Variants in MITF observed in about 807,000 individuals in gnomAD.
MITF encodes the protein microphthalmia-associated transcription factor.
Under a neutral mutation model 60.5 loss-of-function variants are expected in MITF, and 17 were observed. The observed-to-expected ratio is 0.28, with a 90% CI of 0.19 to 0.42. The LOEUF (loss-of-function observed/expected upper bound fraction) is 0.42, where lower values mean the gene tolerates loss of function less well. Ranked by LOEUF, MITF falls within the 10% of genes least tolerant of loss-of-function variation. The pLI, the probability that MITF is intolerant of heterozygous loss-of-function variation, is 1.00. For synonymous variants in MITF, 260 were observed against 248.5 expected (o/e 1.05, Z -0.43); for missense variants, 622 against 683.5 (o/e 0.91, Z 1.00).
At chr3:69,847,033 G>A (rs1487748202) in intron 1 of MITF, among the ~76,000 whole-genome samples, 3 of 152,036 alleles carry the variant, frequency 2.0e-5, no homozygotes, top group Admixed American at 6.5e-5. Flanking sequence ...AAGGGACCTG[G>A]GATTCTTTGA....
chr3:69,796,858 T>G (rs1427419384), intron 1 of MITF, among the ~76,000 whole-genome samples: 1 of 152,158 alleles, frequency 6.6e-6, no homozygotes, highest in African/African-American at 2.4e-5. Context: ...GACAACAAAC[T>G]AAACATTTCA....
chr3:69,772,649 G>A (rs937495659), intron 1 of MITF, among the ~76,000 whole-genome samples: 19 of 152,102 alleles, frequency 1.2e-4, no homozygotes, highest in African/African-American at 3.4e-4. Context: ...ACTTCCATGC[G>A]GAGTATCAGT....
chr3:69,930,348 A>C (rs539831501), intron 2 of MITF, among the ~76,000 whole-genome samples: 1 of 152,220 alleles, frequency 6.6e-6, no homozygotes, highest in East Asian at 1.9e-4. Flanking sequence ...GAAATGAAGA[A>C]CGTGAGAGAA....
At chr3:69,903,923 C>G (rs1310098091) in intron 2 of MITF, among the ~76,000 whole-genome samples, 1 of 151,954 alleles carries the variant, frequency 6.6e-6, no homozygotes, top group African/African-American at 2.4e-5. Flanking sequence ...TTCCCGTTGG[C>G]AAAAAGGCAA....
Position 69,949,925 on chromosome 3 carries a change from G to A in MITF, c.880+757G>A, listed in dbSNP as rs555231640. Among the ~76,000 whole-genome samples the A allele has an allele frequency of 4.4e-4, 67 of 152,150 alleles. No homozygotes were observed. In the South Asian group the frequency reaches 5.2e-3, roughly 12 times the overall value. On this transcript the variant is annotated intron_variant, in intron 6 of 9. Transcript: ENST00000352241. ...GATTGGATGAACAGACTGAGAATAT[G>A]GAATATGGATTTGGTACAGAGAATT...
chr3:69,740,280 G>C (rs562608726), intron 1 of MITF, among the ~76,000 whole-genome samples: 1 of 151,906 alleles, frequency 6.6e-6, no homozygotes, highest in Non-Finnish European at 1.5e-5. Context: ...CCTCCAGACC[G>C]CTGCTAGCGG....
At chr3:69,852,259 T>A (rs183933514) in intron 1 of MITF, among the ~76,000 whole-genome samples, 31 of 152,264 alleles carry the variant, frequency 2.0e-4, no homozygotes, top group Admixed American at 1.9e-3. Context: ...CCTGAGGAAT[T>A]TTCACCAGAT....
intron 2 of MITF, among the ~76,000 whole-genome samples, chr3:69,911,527 T>C (rs143514662): frequency 2.0e-4 from 31 of 152,186 alleles, no homozygotes; most frequent in African/African-American, 7.0e-4. Flanking sequence ...ACAAAGTTGA[T>C]AAAAAGTAAT....
At chr3:69,926,764 A>G (rs1250955967) in intron 2 of MITF, among the ~76,000 whole-genome samples, 1 of 152,216 alleles carries the variant, frequency 6.6e-6, no homozygotes, top group Non-Finnish European at 1.5e-5. Context: ...TGTGTCAAAT[A>G]TTATACAAAT....
At chr3:69,891,532 A>T (rs2064759456) in intron 2 of MITF, among the ~76,000 whole-genome samples, 1 of 152,210 alleles carries the variant, frequency 6.6e-6, no homozygotes, top group Non-Finnish European at 1.5e-5. Flanking sequence ...CTGTGGGTGG[A>T]GCTCATTAAT....
chr3:69,914,613 A>G (rs1409234890), intron 2 of MITF, among the ~76,000 whole-genome samples: 2 of 152,098 alleles, frequency 1.3e-5, no homozygotes, highest in African/African-American at 2.4e-5. Context: ...AGTGACACCT[A>G]CCTGTCCCCC....
intron 1 of MITF, among the ~76,000 whole-genome samples, chr3:69,806,782 A>AAAAT (rs1467551400): frequency 6.6e-6 from 1 of 152,224 alleles, no homozygotes; most frequent in African/African-American, 2.4e-5. Flanking sequence ...TGAGGCTTTT[A>AAAAT]AAATAAATAA....
chr3:69,915,922 T>G (rs1322950927), intron 2 of MITF, among the ~76,000 whole-genome samples: 1 of 152,186 alleles, frequency 6.6e-6, no homozygotes, highest in Non-Finnish European at 1.5e-5. Context: ...GTTCATTCCC[T>G]AGCTGCAAGG....
intron 2 of MITF, among the ~76,000 whole-genome samples, chr3:69,914,641 A>G (rs1229999215): frequency 2.0e-5 from 3 of 152,140 alleles, no homozygotes; most frequent in Admixed American, 2.0e-4. Flanking sequence ...CACTGGGCTG[A>G]TGTCATCATT....
chr3:69,758,526 T>A (rs2062164144), intron 1 of MITF, among the ~76,000 whole-genome samples: 2 of 152,192 alleles, frequency 1.3e-5, no homozygotes, highest in Admixed American at 6.5e-5. Flanking sequence ...ATCACTTTTT[T>A]AAAAGGCTTT....
chr3:69,781,818 A>C (rs2062569265), intron 1 of MITF, among the ~76,000 whole-genome samples: 1 of 152,152 alleles, frequency 6.6e-6, no homozygotes, highest in Non-Finnish European at 1.5e-5. Context: ...TCTGAATTTG[A>C]GTGATTCCAA....
At chr3:69,764,021 A>C (rs935052667) in intron 1 of MITF, 1 of 1,110,560 alleles carries the variant, frequency 9.0e-7, no homozygotes, top group South Asian at 1.5e-5. Context: ...CAATCTTTAT[A>C]TCGTATGAAA....
In MITF at chr3:69,949,099, C is replaced by T. The variant is rs1179191278; in HGVS notation, c.811C>T (p.Pro271Ser). The T allele has an allele frequency of 6.2e-7, 1 of 1,613,656 alleles. No homozygotes were observed. The highest frequency in any genetic ancestry group is 8.5e-7 in the Non-Finnish European group (1 of 1,179,798). The change falls in exon 6 of 10, where the codon CCC (proline) becomes TCC (serine). Residue 271 changes from proline to serine, a missense_variant. Coordinates refer to ENST00000352241, the MANE Select transcript of MITF (RefSeq NM_001354604.2). ...LIDLYGNQGL[P>S]PPGLTISNSC... Reference sequence around the variant, plus strand: ...TGATCTTTATGGAAACCAAGGTCTGCCCCCACCAGGCCTCACCATCAGCAA... The same window carrying T: ...TGATCTTTATGGAAACCAAGGTCTGTCCCCACCAGGCCTCACCATCAGCAA...
intron 1 of MITF, among the ~76,000 whole-genome samples, chr3:69,860,470 C>T (rs1019985648): frequency 2.0e-5 from 3 of 151,680 alleles, no homozygotes; most frequent in Non-Finnish European, 4.4e-5. Context: ...CAGTGGCGGG[C>T]GCCTGTAGTC....
Sources: allele counts gnomAD v4.1 joint callset (sites outside exome capture counted in the v4.1 genomes callset), GRCh38; gene constraint gnomAD v4.1.1; transcripts MANE v1.5; gene names NCBI Gene and HGNC (gene_info 2026-07-23, HGNC 2026-07-21).